The following ACBD6 variants were observed in gnomAD, a reference collection of about 807,000 sequenced individuals.
The protein encoded by ACBD6 is acyl-CoA binding domain containing 6.
ACBD6 carries 28 observed loss-of-function variants against 37.2 expected under a neutral mutation model. The observed-to-expected ratio is 0.75, with a 90% CI of 0.56 to 1.03. ACBD6 has a LOEUF of 1.03. Ranked by LOEUF, ACBD6 falls within the 50% of genes least tolerant of loss-of-function variation. The pLI, the probability that ACBD6 is intolerant of heterozygous loss-of-function variation, is 0.00. For missense variants in ACBD6, 340 were observed against 337.4 expected (o/e 1.01, Z -0.06); for synonymous variants, 113 against 126.8 (o/e 0.89, Z 0.73).
chr1:180,453,590 A>G (rs2102030614), intron 3 of ACBD6, among the ~76,000 whole-genome samples: 1 of 152,350 alleles, frequency 6.6e-6, no homozygotes, highest in African/African-American at 2.4e-5. Context: ...TCAAATAGGA[A>G]GAGAGGAAGT....
chr1:180,372,575 G>C (rs1653299462), intron 6 of ACBD6, among the ~76,000 whole-genome samples: 1 of 152,076 alleles, frequency 6.6e-6, no homozygotes, highest in Non-Finnish European at 1.5e-5. Flanking sequence ...TTATTAGTGG[G>C]AAAGTTAGTT....
chr1:180,278,473 C>CACTA (rs547031008), intron 9 of ACBD6: 14 of 152,230 alleles, frequency 9.2e-5, no homozygotes, highest in Admixed American at 8.5e-4. Flanking sequence ...GGTAGGACCA[C>CACTA]ACTAAAAGCA....
At chr1:180,277,236 T>G (rs1428770425) in intron 9 of ACBD6, 4 of 152,248 alleles carry the variant, frequency 2.6e-5, no homozygotes, top group Non-Finnish European at 5.9e-5. Context: ...AGCCATTGCA[T>G]GACAGGACTC....
intron 6 of ACBD6, among the ~76,000 whole-genome samples, chr1:180,331,698 A>G (rs1360011157): frequency 1.3e-5 from 2 of 152,222 alleles, no homozygotes; most frequent in African/African-American, 4.8e-5. Context: ...ATCTGGACAA[A>G]GAGATGCATG....
At chr1:180,462,805 C>T (rs1047317414) in intron 3 of ACBD6, among the ~76,000 whole-genome samples, 1 of 152,106 alleles carries the variant, frequency 6.6e-6, no homozygotes, top group Non-Finnish European at 1.5e-5. Context: ...ATGGTACTGA[C>T]TCTAAAATCG....
At chr1:180,453,808 G>A (rs930310359) in intron 3 of ACBD6, among the ~76,000 whole-genome samples, 3 of 151,970 alleles carry the variant, frequency 2.0e-5, no homozygotes, top group African/African-American at 7.2e-5. Context: ...CTGCTACAAA[G>A]AAATTCCTAG....
At chr1:180,472,250 T>C (rs1018071047) in intron 3 of ACBD6, among the ~76,000 whole-genome samples, 1 of 152,228 alleles carries the variant, frequency 6.6e-6, no homozygotes, top group African/African-American at 2.4e-5. Flanking sequence ...TACTTCACTA[T>C]TCAAGAGTTG....
chr1:180,365,753 T>C (rs1274938396), intron 6 of ACBD6, among the ~76,000 whole-genome samples: 1 of 152,214 alleles, frequency 6.6e-6, no homozygotes, highest in East Asian at 1.9e-4. Context: ...GCATAAACAA[T>C]CTCTATACAT....
At chr1:180,371,850 C>T (rs1653276722) in intron 6 of ACBD6, among the ~76,000 whole-genome samples, 1 of 152,006 alleles carries the variant, frequency 6.6e-6, no homozygotes, top group African/African-American at 2.4e-5. Flanking sequence ...TAAGAAGTTG[C>T]CACAATAATT....
At chr1:180,312,910 T>TAGA (rs1650648153) in intron 7 of ACBD6, among the ~76,000 whole-genome samples, 1 of 152,040 alleles carries the variant, frequency 6.6e-6, no homozygotes, top group South Asian at 2.1e-4. Flanking sequence ...AGGTCAGGGG[T>TAGA]AGAACTAGAA....
intron 13 of ACBD6, chr1:180,272,029 G>A: frequency 1.9e-6 from 3 of 1,602,558 alleles, no homozygotes; most frequent in Non-Finnish European, 2.6e-6. Context: ...GGAGGGGCCA[G>A]GCCGAGGCCT....
chr1:180,433,817 T>C (rs957083493), intron 3 of ACBD6, among the ~76,000 whole-genome samples: 1 of 152,042 alleles, frequency 6.6e-6, no homozygotes, highest in African/African-American at 2.4e-5. Context: ...CAGGTTACCC[T>C]TTCTGATTGT....
chr1:180,318,636 T>C (rs1227315222), intron 6 of ACBD6, among the ~76,000 whole-genome samples: 1 of 152,128 alleles, frequency 6.6e-6, no homozygotes, highest in Non-Finnish European at 1.5e-5. Context: ...ACTTAAGAAG[T>C]GCAAATTTAA....
intron 6 of ACBD6, among the ~76,000 whole-genome samples, chr1:180,392,541 A>C (rs1325782786): frequency 6.6e-6 from 1 of 152,188 alleles, no homozygotes; most frequent in Non-Finnish European, 1.5e-5. Flanking sequence ...CACTAGCTCT[A>C]TAACTTCTTT....
chr1:180,449,659 C>T (rs763022393), intron 3 of ACBD6, among the ~76,000 whole-genome samples: 5 of 151,860 alleles, frequency 3.3e-5, no homozygotes, highest in Non-Finnish European at 4.4e-5. Flanking sequence ...CTGCCCTCCT[C>T]GGCCTCCCAA....
chr1:180,303,807 A>G (rs1650237489), intron 7 of ACBD6, among the ~76,000 whole-genome samples: 1 of 150,824 alleles, frequency 6.6e-6, no homozygotes. Flanking sequence ...CAACAAAAAA[A>G]GAGAATTTTA....
intron 6 of ACBD6, among the ~76,000 whole-genome samples, chr1:180,376,369 A>G (rs1249451238): frequency 3.9e-5 from 6 of 152,214 alleles, no homozygotes; most frequent in African/African-American, 1.4e-4. Context: ...ATGAAAATAC[A>G]TATGTACAAG....
At chr1:180,487,577 T>C (rs763476091) in intron 3 of ACBD6, among the ~76,000 whole-genome samples, 12 of 152,058 alleles carry the variant, frequency 7.9e-5, no homozygotes, top group Non-Finnish European at 1.8e-4. Flanking sequence ...AAGTAACCAT[T>C]ATTTTACTTA....
At chr1:180,498,703 C>A (rs188776652) in intron 1 of ACBD6, among the ~76,000 whole-genome samples, 16 of 152,106 alleles carry the variant, frequency 1.1e-4, no homozygotes, top group Non-Finnish European at 2.2e-4. Flanking sequence ...ACTAAAAATA[C>A]AAAAATCAAT....
Sources: allele counts gnomAD v4.1 joint callset (sites outside exome capture counted in the v4.1 genomes callset), GRCh38; gene constraint gnomAD v4.1.1; transcripts MANE v1.5; gene names NCBI Gene and HGNC (gene_info 2026-07-23, HGNC 2026-07-21).